Variants in NCL observed in about 807,000 individuals in gnomAD.
NCL encodes the protein nucleolin multifunctional protein.
NCL carries 4 observed loss-of-function variants against 77.7 expected under a neutral mutation model. The observed-to-expected ratio is 0.05, with a 90% CI of 0.03 to 0.12. The LOEUF is 0.12. Ranked by LOEUF, NCL falls within the 10% of genes least tolerant of loss-of-function variation. The probability of loss-of-function intolerance (pLI) is 1.00; values close to 1 mark genes in which losing one functional copy is unlikely to be tolerated. For missense variants in NCL, 763 were observed against 860.9 expected (o/e 0.89, Z 1.42); for synonymous variants, 344 against 297.8 (o/e 1.16, Z -1.60).
intron 6 of NCL, among the ~76,000 whole-genome samples, chr2:231,459,738 C>T (rs2046927795): frequency 6.6e-6 from 1 of 151,956 alleles, no homozygotes; most frequent in African/African-American, 2.4e-5. Context: ...GAAATGCCAT[C>T]TCAACTAAAA....
At chr2:231,464,243 C>G (rs13423647) in intron 1 of NCL, 93 bp downstream of exon 1, 3 of 1,523,064 alleles carry the variant, frequency 2.0e-6, no homozygotes, top group African/African-American at 2.8e-5. Context: ...AGAACGCGCC[C>G]GGGACTGCGC....
rs772941386 is a variant in NCL, at chr2:231,462,605, A to G, written c.136-588T>C. ...TAAAATCCCGTAGTTTTATCAGGCA[A>G]TGTGTGGAAGAGTAAAACTTTCATT... On this transcript the variant is annotated intron_variant, in intron 2 of 13. Coordinates refer to ENST00000322723, the MANE Select transcript of NCL (RefSeq NM_005381.3). 9.9e-6 allele frequency: 5 copies of G among 507,248 alleles called. No homozygotes were observed. In the East Asian group the frequency reaches 2.2e-4, roughly 22 times the overall value. 31.4% of individuals were successfully genotyped at this position (507,248 alleles called of 1,614,324 possible).
chr2:231,463,888 G>T, intron 1 of NCL: 1 of 174,830 alleles, frequency 5.7e-6, no homozygotes. Context: ...GGAGACATCC[G>T]AGCGCAGCCG....
rs191520145 is a variant in NCL at position 231,457,354 on chromosome 2, T to A, written c.1448-230A>T. On this transcript the variant is annotated intron_variant, in intron 9 of 13. Coordinates refer to ENST00000322723, the MANE Select transcript of NCL (RefSeq NM_005381.3). The stretch of plus-strand genomic sequence containing the variant: ...TGATGACTGGTCTGTTTTCCTAGAA[T>A]CATCTGAGTTCAAAACGCACATGGT... 792 of 770,388 alleles carry A rather than the reference T, an allele frequency of 1.0e-3. 6 individuals are homozygous for A. Among genetic ancestry groups the A allele is most frequent in the Non-Finnish European group, 3.2e-4 (139 of 437,762 alleles). 47.7% of individuals were successfully genotyped at this position (770,388 alleles called of 1,614,324 possible). A position where few individuals can be genotyped will look rare whatever the true frequency, so the allele number is the denominator to read the frequency against.
Position 231,455,452 on chromosome 2 carries a change from C to T in NCL, c.2005G>A (p.Gly669Ser). ...CCAAATCCTCCTCGGCCTCCTCTAC[C>T]ACCACCTCGTCCTCCAAAGCCGCCT... ...GRGGFGGRGG[G>S]RGGRGGFGGR... Residue 669 changes from glycine (G) to serine (S), a missense_variant, in exon 13 of 14, where the codon GGT becomes AGT. By Grantham distance (56) the Gly-to-Ser change is moderately conservative (BLOSUM62 0). Coordinates refer to ENST00000322723, the MANE Select transcript of NCL (RefSeq NM_005381.3). 6.2e-7 allele frequency: 1 copy of T among 1,614,146 alleles called. No homozygotes were observed. Among genetic ancestry groups the T allele is most frequent in the South Asian group, 1.1e-5 (1 of 91,084 alleles).
intron 1 of NCL, 171 bp downstream of exon 1, chr2:231,464,165 C>A: frequency 7.0e-7 from 1 of 1,422,914 alleles, no homozygotes; most frequent in Non-Finnish European, 9.3e-7. Flanking sequence ...TTCACCTCGC[C>A]ACCAAGTAGC....
rs771040169 is a variant in NCL, at chr2:231,458,380, G to A, written c.1175C>T (p.Ala392Val). 9 of 1,613,130 alleles carry A rather than the reference G, an allele frequency of 5.6e-6. No homozygotes were observed. The highest frequency in any genetic ancestry group is 2.2e-5 in the South Asian group (2 of 90,878). ...KGKDSKKERD[A>V]RTLLAKNLPY... ...GAGATTTTTAGCCAAAAGTGTTCTC[G>A]CATCTCGCTCTAGATTAAAAAAACA... The change falls in exon 8 of 14, where the codon GCG becomes GTG. Residue 392 changes from alanine (A) to valine (V), a missense_variant. Around this residue, in one of 2 missense-constraint regions of NCL, gnomAD observed 590 missense variants for 570.5 expected, o/e 1.03. Transcript: ENST00000322723.
At chr2:231,455,369 C>T in intron 13 of NCL, 32 bp downstream of exon 13, 1 of 1,613,564 alleles carries the variant, frequency 6.2e-7, no homozygotes, top group East Asian at 2.2e-5. Flanking sequence ...AGAGCACATG[C>T]TATGTGGTGT....
Position 231,461,008 on chromosome 2 carries a change from G to A in NCL, c.614-142C>T, listed in dbSNP as rs999135542. The A allele has an allele frequency of 1.1e-4, 77 of 732,466 alleles. No individual in the cohort carries two copies. The East Asian group carries it at 2.0e-3, about 19-fold the overall frequency. 45.4% of individuals were successfully genotyped at this position (732,466 alleles called of 1,614,324 possible). A position where few individuals can be genotyped will look rare whatever the true frequency, so the allele number is the denominator to read the frequency against. On this transcript the variant is annotated intron_variant, in intron 3 of 13. Coordinates refer to ENST00000322723, the MANE Select transcript of NCL (RefSeq NM_005381.3). ...AATAGATCACTTGGGGCCGGGCGCAGTGGCTCACGCCTGTAATCCTAGCAC... is the reference window on the plus strand; with the variant it reads ...AATAGATCACTTGGGGCCGGGCGCAATGGCTCACGCCTGTAATCCTAGCAC...
Position 231,455,132 on chromosome 2 carries a change from C to T in NCL, c.*59G>A. ...GAAGGCTCTGTCATTGATCAGGTAA[C>T]AGTAAAAACCCCAGAGTCCTTTCTT... On this transcript the variant is annotated 3_prime_UTR_variant, in exon 14 of 14. Transcript: ENST00000322723. 1 of 1,579,366 alleles carries T rather than the reference C, an allele frequency of 6.3e-7. No homozygotes were observed. Among genetic ancestry groups the T allele is most frequent in the Non-Finnish European group, 8.7e-7 (1 of 1,149,826 alleles).
At chr2:231,455,652 A>G in intron 12 of NCL, 28 bp from the exon 13 acceptor site, 1 of 1,609,784 alleles carries the variant, frequency 6.2e-7, no homozygotes, top group Middle Eastern at 1.7e-4. Flanking sequence ...ATTGCCCATT[A>G]TAAAAAGCAC....
intron 6 of NCL, 109 bp downstream of exon 6, chr2:231,460,043 T>C (rs1224854798): frequency 1.3e-5 from 16 of 1,225,962 alleles, no homozygotes; most frequent in East Asian, 2.3e-5. Context: ...TCCTTGAAGA[T>C]GTTTACAGTA....
chr2:231,463,031 T>C, intron 2 of NCL, 169 bp downstream of exon 2: 1 of 599,980 alleles, frequency 1.7e-6, no homozygotes. Context: ...TTCAAATACT[T>C]AGCCAAATGA....
At chr2:231,455,978 G>A (rs746907631) in intron 12 of NCL, 32 bp downstream of exon 12, 1 of 1,613,992 alleles carries the variant, frequency 6.2e-7, no homozygotes, top group African/African-American at 1.3e-5. Flanking sequence ...ACCCCTTCAA[G>A]TGGAAGCAGC....
At chr2:231,458,493 A>G (rs2046913310) in intron 7 of NCL, 104 bp from the exon 8 acceptor site, 1 of 1,377,368 alleles carries the variant, frequency 7.3e-7, no homozygotes, top group Non-Finnish European at 9.9e-7. Flanking sequence ...TCAACAAATA[A>G]TTTGAGATCC....
intron 6 of NCL, among the ~76,000 whole-genome samples, chr2:231,459,596 T>C (rs2046926436): frequency 6.6e-6 from 1 of 151,512 alleles, no homozygotes; most frequent in Admixed American, 6.6e-5. Flanking sequence ...TTCAAGCGAT[T>C]CTCCCACCTA....
At chr2:231,462,502 T>A in intron 2 of NCL, 1 of 497,636 alleles carries the variant, frequency 2.0e-6, no homozygotes, top group Non-Finnish European at 4.0e-6. Flanking sequence ...ATAGGCTAAA[T>A]ATAAATATTC....
rs150489214 is a variant in NCL, at chr2:231,459,396, C to T, written c.1041-271G>A. ...CACAGTAGCAGCTGACAAAAGAACA[C>T]CTATAAGCACTAATACAGGAGAATC... On this transcript the variant is annotated intron_variant, in intron 6 of 13. Transcript: ENST00000322723. 3.4e-4 allele frequency among the ~76,000 whole-genome samples: 51 copies of T among 152,228 alleles called. No individual in the cohort carries two copies. The South Asian group carries it at 7.9e-3, about 24-fold the overall frequency.
chr2:231,455,839 C>T, intron 12 of NCL, 171 bp downstream of exon 12: 1 of 1,250,490 alleles, frequency 8.0e-7, no homozygotes, highest in Non-Finnish European at 1.2e-6. Context: ...TCTGTAAAGA[C>T]AGAAGGTAAA....
Sources: allele counts gnomAD v4.1 joint callset (sites outside exome capture counted in the v4.1 genomes callset), GRCh38; gene constraint gnomAD v4.1.1; regional missense constraint gnomAD v4.1.1; transcripts MANE v1.5; gene names NCBI Gene and HGNC (gene_info 2026-07-23, HGNC 2026-07-21).